RUFY3: variants seen among roughly 807,000 people sequenced by gnomAD.
The protein encoded by RUFY3 is RUN and FYVE domain containing 3.
Under a neutral mutation model 84.0 loss-of-function variants are expected in RUFY3, and 34 were observed. The observed-to-expected ratio is 0.40, with a 90% CI of 0.31 to 0.54. The LOEUF is 0.54. Among genes scored for constraint, RUFY3 ranks in the 20% least tolerant of loss-of-function variants. The pLI, the probability that RUFY3 is intolerant of heterozygous loss-of-function variation, is 0.39. For synonymous variants in RUFY3, 242 were observed against 252.9 expected (o/e 0.96, Z 0.41); for missense variants, 507 against 736.8 (o/e 0.69, Z 3.61).
chr4:70,801,499 C>T (rs77884586), intron 15 of RUFY3, among the ~76,000 whole-genome samples: 1 of 152,210 alleles, frequency 6.6e-6, no homozygotes, highest in East Asian at 1.9e-4. Context: ...GACTGTGAAC[C>T]TAACTGCTCT....
At position 70,722,653 on chromosome 4, in the gene RUFY3, A is replaced by G; in HGVS notation, c.80A>G (p.Tyr27Cys). 6.2e-7 allele frequency: 1 copy of G among 1,613,900 alleles called. No homozygotes were observed. The highest frequency in any genetic ancestry group is 8.5e-7 in the Non-Finnish European group (1 of 1,179,972). Reference sequence around the variant, plus strand: ...ACACAGGCTGCCATGGAGACCATCTACCTTTGCAAATTCCGAGTGTCCATG... The same window carrying G: ...ACACAGGCTGCCATGGAGACCATCTGCCTTTGCAAATTCCGAGTGTCCATG... ...KITQAAMETIYLCKFRVSMDG... is the reference protein window; with the variant it reads ...KITQAAMETICLCKFRVSMDG... Residue 27 changes from tyrosine (Y) to cysteine (C), a missense_variant, in exon 1 of 18, where the codon TAC becomes TGC. Tyr to Cys is a radical substitution (Grantham distance 194). This residue lies in a region of RUFY3 where 133 missense variants were observed against 301.1 expected (regional missense o/e 0.44). Transcript: ENST00000381006.
At chr4:70,742,232 G>A (rs1721429620) in intron 1 of RUFY3, among the ~76,000 whole-genome samples, 2 of 152,208 alleles carry the variant, frequency 1.3e-5, no homozygotes, top group Non-Finnish European at 2.9e-5. Context: ...ATGTTCTAAT[G>A]TGGAAAGGTT....
intron 1 of RUFY3, among the ~76,000 whole-genome samples, chr4:70,739,441 A>G (rs770742249): frequency 7.2e-5 from 11 of 152,118 alleles, no homozygotes; most frequent in Non-Finnish European, 1.0e-4. Flanking sequence ...ATTAGCTTTT[A>G]TTTTCACAAT....
chr4:70,808,096 T>TAATA lies in RUFY3; in HGVS notation c.*1440_*1443dup, dbSNP rs1035634716. 6.6e-6 allele frequency among the ~76,000 whole-genome samples: 1 copy of TAATA among 152,224 alleles called. No homozygotes were observed. The highest frequency in any genetic ancestry group is 1.5e-5 in the Non-Finnish European group (1 of 68,036). ...TCATCTGAAGATGATTACTTATACC[T>TAATA]AATAAAATACCTACACATCACTTCA... is the stretch of plus-strand genomic sequence containing the variant. On this transcript the variant is annotated 3_prime_UTR_variant, in exon 18 of 18. Transcript: ENST00000381006.
chr4:70,794,709 T>C (rs1228278737), intron 13 of RUFY3, 86 bp from the exon 14 acceptor site: 1 of 864,000 alleles, frequency 1.2e-6, no homozygotes, highest in Non-Finnish European at 1.9e-6. Flanking sequence ...ATTACTGCAC[T>C]TTAAGACAAG....
intron 1 of RUFY3, among the ~76,000 whole-genome samples, chr4:70,746,832 G>A (rs999367113): frequency 2.6e-5 from 4 of 152,198 alleles, no homozygotes; most frequent in African/African-American, 9.6e-5. Flanking sequence ...TTACATAACA[G>A]TCTTGAAGTG....
At position 70,794,901 on chromosome 4, in the gene RUFY3, T is replaced by A. The variant is rs1461653822; in HGVS notation, c.1557+7T>A. ...GAAGTCAGAATCCAAGATGGTAATA[T>A]TTGCTATTCCCTTGTTCTTTTACTT... On this transcript the variant is annotated splice_region_variant and intron_variant, in intron 14 of 17. Coordinates refer to ENST00000381006, the MANE Select transcript of RUFY3 (RefSeq NM_001037442.4). 3 of 1,539,356 alleles carry A rather than the reference T, an allele frequency of 1.9e-6. No individual in the cohort carries two copies. The highest frequency in any genetic ancestry group is 2.7e-6 in the Non-Finnish European group (3 of 1,114,988).
intron 1 of RUFY3, among the ~76,000 whole-genome samples, chr4:70,757,559 G>A (rs571914644): frequency 1.3e-4 from 20 of 152,094 alleles, no homozygotes; most frequent in East Asian, 3.9e-4. Context: ...AGCCAAGATC[G>A]CGCCATTGCA....
intron 1 of RUFY3, among the ~76,000 whole-genome samples, chr4:70,736,851 C>A (rs564411662): frequency 2.1e-4 from 32 of 152,264 alleles, no homozygotes; most frequent in Admixed American, 2.0e-4. Context: ...GTATTACAGG[C>A]GTGAGCCACT....
At chr4:70,781,648 C>T (rs1276785353) in intron 8 of RUFY3, among the ~76,000 whole-genome samples, 1 of 152,148 alleles carries the variant, frequency 6.6e-6, no homozygotes, top group Non-Finnish European at 1.5e-5. Flanking sequence ...GACCTACTTG[C>T]CCAGAATTGG....
At chr4:70,755,907 C>T (rs540857743) in intron 1 of RUFY3, among the ~76,000 whole-genome samples, 26 of 151,116 alleles carry the variant, frequency 1.7e-4, no homozygotes, top group African/African-American at 5.4e-4. Context: ...GCTGAGATCA[C>T]GCCTCTGCAC....
At chr4:70,792,046 A>G (rs905739483) in intron 12 of RUFY3, 1 of 985,328 alleles carries the variant, frequency 1.0e-6, no homozygotes, top group Admixed American at 6.2e-5. Context: ...GTCATCTTCT[A>G]CCTCTGCCGT....
At chr4:70,751,121 A>G (rs1723067158) in intron 1 of RUFY3, among the ~76,000 whole-genome samples, 1 of 152,114 alleles carries the variant, frequency 6.6e-6, no homozygotes. Context: ...GGTTTGTTAC[A>G]TGGGTATACT....
chr4:70,741,775 CT>C, intron 1 of RUFY3: 1 of 940,326 alleles, frequency 1.1e-6, no homozygotes, highest in Non-Finnish European at 1.5e-6. Context: ...GAAATGTCAG[CT>C]TTAGGTTTTA....
chr4:70,727,074 T>G, intron 1 of RUFY3, among the ~76,000 whole-genome samples: 1 of 148,954 alleles, frequency 6.7e-6, no homozygotes, highest in East Asian at 2.0e-4. Context: ...GAAGCAATGT[T>G]GGAAGTAAGT....
chr4:70,725,829 C>T (rs1282305583), intron 1 of RUFY3, among the ~76,000 whole-genome samples: 1 of 152,142 alleles, frequency 6.6e-6, no homozygotes, highest in Non-Finnish European at 1.5e-5. Flanking sequence ...ACACAGTGAG[C>T]TGGCCCAGCC....
intron 1 of RUFY3, among the ~76,000 whole-genome samples, chr4:70,760,457 A>AT (rs1724828762): frequency 6.6e-6 from 1 of 152,110 alleles, no homozygotes; most frequent in African/African-American, 2.4e-5. Flanking sequence ...GCAGGCAGTT[A>AT]TCTAGTACCA....
At chr4:70,755,277 G>T (rs1323739999) in intron 1 of RUFY3, among the ~76,000 whole-genome samples, 1 of 152,112 alleles carries the variant, frequency 6.6e-6, no homozygotes, top group Non-Finnish European at 1.5e-5. Flanking sequence ...TAATCTGTTA[G>T]ATAATAAGAA....
intron 1 of RUFY3, among the ~76,000 whole-genome samples, chr4:70,758,042 A>G (rs1489447429): frequency 1.3e-5 from 2 of 152,190 alleles, no homozygotes; most frequent in Non-Finnish European, 2.9e-5. Context: ...TTTACTTTAT[A>G]TAGTTAAAAG....
Sources: gnomAD v4.1 joint callset for allele counts (sites outside exome capture counted in the v4.1 genomes callset) on GRCh38, gnomAD v4.1.1 for gene constraint, gnomAD v4.1.1 regional missense constraint, MANE v1.5 for transcripts, NCBI Gene and HGNC (gene_info 2026-07-23, HGNC 2026-07-21) for gene names.